Variants in TMC6 observed in about 807,000 individuals in gnomAD.
TMC6 encodes the protein transmembrane channel like 6.
Under a neutral mutation model 95.4 loss-of-function variants are expected in TMC6, and 71 were observed. The observed-to-expected ratio is 0.74, with a 90% CI of 0.61 to 0.91. The LOEUF is 0.91. Among genes scored for constraint, TMC6 ranks in the 40% least tolerant of loss-of-function variants. The pLI, the probability that TMC6 is intolerant of heterozygous loss-of-function variation, is 0.00. For missense variants in TMC6, 1,074 were observed against 1,079.1 expected, an observed-to-expected ratio of 1.00 and a Z score of 0.07; for synonymous variants, 514 against 483.1, an observed-to-expected ratio of 1.06 and a Z score of -0.84.
intron 8 of TMC6, 22 bp from the exon 9 acceptor site, chr17:78,124,201 G>A (rs201526491): frequency 3.7e-5 from 59 of 1,610,516 alleles, no homozygotes; most frequent in Middle Eastern, 4.3e-4. Context: ...AGATCCAGCC[G>A]AGTCAGGGAC....
rs766782993 is a variant in TMC6, at chr17:78,121,021, G to A, written c.1527C>T (p.Ala509=). 5.0e-6 allele frequency: 8 copies of A among 1,613,252 alleles called. No homozygotes were observed. The highest frequency in any genetic ancestry group is 6.8e-6 in the Non-Finnish European group (8 of 1,180,028). The change falls in exon 12 of 20, where the codon GCC becomes GCT. Residue 509 remains alanine, a synonymous_variant. Transcript: ENST00000590602. The surrounding 1 kb of genome is among the most constrained non-coding windows in gnomAD (Gnocchi z 5.6). The part of the protein sequence containing the change: ...HDSPVLEVYV[A]ICRNLILKLA... ...CATGTGCGGCCACACACCTGCAGAT[G>A]GCCACGTACACCTCCAGTACCGGGG...
rs1239616895 is a variant in TMC6, at chr17:78,124,566, GC to G, written c.848del (p.Gly283AlafsTer33). 6.2e-7 allele frequency: 1 copy of G among 1,612,092 alleles called. No homozygotes were observed. The part of the protein sequence containing the change: ...PQVAFPPALP[G>X]PAPVCTGLEL... ...CCAGGCCTGTGCAGACGGGGGCAGG[GC>G]CCGGCAGGGCGGGTGGGAAGGCGAC... On this transcript the variant is annotated frameshift_variant, in exon 8 of 20. Coordinates refer to ENST00000590602, the MANE Select transcript of TMC6 (RefSeq NM_001127198.5). LOFTEE classifies it high-confidence loss of function.
rs2073788058 is a variant in TMC6, at chr17:78,109,750, G to A, written c.*3398C>T. ...AGGGGTTCTCAACCTTGGCCCATTA[G>A]AATTACCTGAAAATTTTTAAGATAA... On this transcript the variant is annotated 3_prime_UTR_variant, in exon 20 of 20. Transcript: ENST00000590602. The A allele has an allele frequency of 2.6e-5, 9 of 347,440 alleles. No homozygotes were observed. Among genetic ancestry groups the A allele is most frequent in the South Asian group, 1.9e-4 (9 of 46,786 alleles). 21.5% of individuals were successfully genotyped at this position (347,440 alleles called of 1,614,324 possible).
In TMC6 at chr17:78,124,733, T is replaced by C; in HGVS notation, c.682A>G (p.Met228Val). The change falls in exon 8 of 20, where the codon ATG becomes GTG. Residue 228 changes from methionine (M) to valine (V), a missense_variant. Physicochemically the swap from Met to Val is conservative, Grantham distance 21. Transcript: ENST00000590602. ...CGCTTCAGGGCGTAGCGCCACGGCA[T>C]CAGGGCCTGCAGGGCGGAGAGCAGC... Reference protein sequence around the residue: ...LALLSALQALMPWRYALKRIG... With the variant: ...LALLSALQALVPWRYALKRIG... 1.9e-6 allele frequency: 3 copies of C among 1,589,446 alleles called. No individual in the cohort carries two copies. Among genetic ancestry groups the C allele is most frequent in the Non-Finnish European group, 2.6e-6 (3 of 1,168,478 alleles).
Position 78,117,889 on chromosome 17 carries a change from G to A in TMC6, c.1934C>T (p.Ala645Val). Residue 645 changes from alanine to valine, a missense_variant, in exon 16 of 20, where the codon GCC becomes GTC. Coordinates refer to ENST00000590602, the MANE Select transcript of TMC6 (RefSeq NM_001127198.5). Reference sequence around the variant, plus strand: ...GAGGAAGACGGTGCTCATGTGTGAGGCCAGCCAGGGCCGGCGCGGCGCCTG... The same window carrying A: ...GAGGAAGACGGTGCTCATGTGTGAGACCAGCCAGGGCCGGCGCGGCGCCTG... ...NCQAPRRPWL[A>V]SHMSTVFLTL... 1 of 1,606,010 alleles carries A rather than the reference G, an allele frequency of 6.2e-7. No homozygotes were observed.
In TMC6 at chr17:78,117,289, GC is replaced by G; in HGVS notation, c.2256del (p.Leu753SerfsTer15). The part of the protein sequence containing the change: ...VVRGQRKVIC[L>X]LKEQISNEGE... ...CTCACATTGCTGATCTGCTCCTTGA[GC>G]AGGCAGATGACCTTGCGCTGGCCCC... On this transcript the variant is annotated frameshift_variant, in exon 18 of 20. Transcript: ENST00000590602. LOFTEE classifies it high-confidence loss of function. The G allele has an allele frequency of 6.2e-7, 1 of 1,613,560 alleles. No individual in the cohort carries two copies. Among genetic ancestry groups the G allele is most frequent in the Non-Finnish European group, 8.5e-7 (1 of 1,179,990 alleles).
chr17:78,130,514 G>A (rs2074935283), upstream of TMC6: 1 of 152,458 alleles, frequency 6.6e-6, no homozygotes, highest in African/African-American at 2.4e-5. Context: ...CCGGACCAGT[G>A]GACCCTAGGG....
At chr17:78,132,327 C>G, upstream of TMC6, 2 of 1,611,638 alleles carry the variant, frequency 1.2e-6, no homozygotes, top group Non-Finnish European at 1.7e-6. Context: ...CCGGCCCCGG[C>G]CTCCCTGACC....
At position 78,115,385 on chromosome 17, in the gene TMC6, A is replaced by G. The variant is rs570066350; in HGVS notation, c.2278-1761T>C. Among the ~76,000 whole-genome samples, 8 of 152,298 alleles carry G rather than the reference A, an allele frequency of 5.3e-5. No individual in the cohort carries two copies. In the South Asian group the frequency reaches 1.2e-3, roughly 24 times the overall value. On this transcript the variant is annotated intron_variant, in intron 18 of 19. Coordinates refer to ENST00000590602, the MANE Select transcript of TMC6 (RefSeq NM_001127198.5). ...CTGGCACTCACCAGCCCCAGAGTGA[A>G]AACCTGCAGGAGGACAAATGGCAAT...
At chr17:78,123,219 G>A (rs1283869923) in intron 9 of TMC6, 1 of 301,722 alleles carries the variant, frequency 3.3e-6, no homozygotes, top group Non-Finnish European at 6.5e-6. Flanking sequence ...AAGCCTCATG[G>A]ATTGTCCCAG....
At position 78,120,152 on chromosome 17, in the gene TMC6, C is replaced by CTTTT. The variant is rs35789255; in HGVS notation, c.1715+497_1715+500dup. 254 of 151,316 alleles carry CTTTT rather than the reference C, an allele frequency of 1.7e-3. 1 individual carries two copies. Among genetic ancestry groups the CTTTT allele is most frequent in the South Asian group, 3.8e-3 (63 of 16,466 alleles). 9.4% of individuals were successfully genotyped at this position (151,316 alleles called of 1,614,324 possible). A position where few individuals can be genotyped will look rare whatever the true frequency, so the allele number is the denominator to read the frequency against. On this transcript the variant is annotated intron_variant, in intron 13 of 19. Transcript: ENST00000590602. ...CTGAGGTTGTGTCATATACACGTTA[C>CTTTT]TTTTTTTTTTTTTTTTTTTTTTTTG...
In TMC6 at chr17:78,122,702, C is replaced by T; in HGVS notation, c.1130G>A (p.Gly377Asp). Residue 377 changes from glycine to aspartate, a missense_variant, in exon 10 of 20, where the codon GGC (glycine) becomes GAC (aspartate). Gly to Asp is a moderately conservative substitution (Grantham distance 94). Transcript: ENST00000590602. The surrounding 1 kb of genome is among the most constrained non-coding windows in gnomAD (Gnocchi z 4.9). ...GESYRVGSTS[G>D]IHAITVFCSW... ...GCAGAAGACGGTGATGGCGTGGATG[C>T]CAGAGGTGCTGCCCACCCGGTAGCT... 6.2e-7 allele frequency: 1 copy of T among 1,611,484 alleles called. No homozygotes were observed.
At position 78,114,042 on chromosome 17, in the gene TMC6, G is replaced by C. The variant is rs180838554; in HGVS notation, c.2278-418C>G. On this transcript the variant is annotated intron_variant, in intron 18 of 19. Coordinates refer to ENST00000590602, the MANE Select transcript of TMC6 (RefSeq NM_001127198.5). ...GTCGTAACGAACTGTCATCAACTTCGTGGCTTAAAACACCACCGGTTTCTC... is the reference window on the plus strand; with the variant it reads ...GTCGTAACGAACTGTCATCAACTTCCTGGCTTAAAACACCACCGGTTTCTC... The C allele has an allele frequency of 5.4e-5, 17 of 313,260 alleles. No individual in the cohort carries two copies. The East Asian group carries it at 1.5e-3, about 27-fold the overall frequency. 19.4% of individuals were successfully genotyped at this position (313,260 alleles called of 1,614,324 possible).
chr17:78,116,412 A>G (rs1183771363), intron 18 of TMC6, among the ~76,000 whole-genome samples: 1 of 151,742 alleles, frequency 6.6e-6, no homozygotes, highest in African/African-American at 2.4e-5. Flanking sequence ...AGCTGGGACT[A>G]CAGGTGCACA....
In TMC6 at chr17:78,124,785, C is replaced by G; in HGVS notation, c.634-4G>C. On this transcript the variant is annotated splice_region_variant and splice_polypyrimidine_tract_variant and intron_variant, in intron 7 of 19. Coordinates refer to ENST00000590602, the MANE Select transcript of TMC6 (RefSeq NM_001127198.5). The stretch of plus-strand genomic sequence containing the variant: ...CCAGGCCCAGGCTGTGCAAGGCCTG[C>G]GGGCACAGGCAGAGAGGCCCTGAGG... The G allele has an allele frequency of 6.3e-7, 1 of 1,579,736 alleles. No homozygotes were observed.
At position 78,121,413 on chromosome 17, in the gene TMC6, C is replaced by A; in HGVS notation, c.1383+143G>T. 2 of 1,455,350 alleles carry A rather than the reference C, an allele frequency of 1.4e-6. No homozygotes were observed. The highest frequency in any genetic ancestry group is 1.2e-5 in the South Asian group (1 of 82,122). 90.2% of individuals were successfully genotyped at this position (1,455,350 alleles called of 1,614,324 possible). On this transcript the variant is annotated intron_variant, in intron 11 of 19. Transcript: ENST00000590602. The surrounding 1 kb of genome is among the most constrained non-coding windows in gnomAD (Gnocchi z 5.6). ...GCTGAGAAGTGGGGCTCGGAGGGGG[C>A]CCCAGCACGGGGCACAGCGTACGTG...
chr17:78,126,343 G>T lies in TMC6; in HGVS notation c.205C>A (p.Arg69=), dbSNP rs529531268. 6.3e-7 allele frequency: 1 copy of T among 1,583,202 alleles called. No homozygotes were observed. Among genetic ancestry groups the T allele is most frequent in the Non-Finnish European group, 8.5e-7 (1 of 1,169,630 alleles). The change falls in exon 4 of 20, where the codon CGG becomes AGG. Residue 69 remains arginine, a synonymous_variant. Coordinates refer to ENST00000590602, the MANE Select transcript of TMC6 (RefSeq NM_001127198.5). ...VTGSSQQTLW[R]PEGTQSTATL... ...GCCGTGCTCTGGGTGCCCTCGGGCC[G>T]CCAGAGTGTCTGCTGGCTACTTCCT...
intron 13 of TMC6, chr17:78,120,019 G>GA (rs1399375539): frequency 1.5e-5 from 6 of 390,444 alleles, no homozygotes; most frequent in African/African-American, 2.2e-5. Context: ...ACACCAAGAG[G>GA]AAAAAAACAG....
chr17:78,120,133 T>G (rs2074335440), intron 13 of TMC6: 1 of 321,262 alleles, frequency 3.1e-6, no homozygotes, highest in Non-Finnish European at 6.0e-6. Context: ...TAGACTGAGG[T>G]TGTGTCATAT....
Sources: allele counts gnomAD v4.1 joint callset (sites outside exome capture counted in the v4.1 genomes callset), GRCh38; gene constraint gnomAD v4.1.1; non-coding constraint Gnocchi (gnomAD v3.1); transcripts MANE v1.5; gene names NCBI Gene and HGNC (gene_info 2026-07-23, HGNC 2026-07-21).